Variants in QKI observed in about 807,000 individuals in gnomAD.
The protein encoded by QKI is QKI, KH domain containing RNA binding.
A neutral mutation model predicts 39.0 loss-of-function variants in QKI; 10 were observed. The ratio of observed to expected loss-of-function variants is 0.26; its 90% confidence interval spans 0.16 to 0.43. The LOEUF is 0.43. Among genes scored for constraint, QKI ranks in the 20% least tolerant of loss-of-function variants. The probability of loss-of-function intolerance (pLI) is 1.00; values close to 1 mark genes in which losing one functional copy is unlikely to be tolerated. For synonymous variants in QKI, 204 were observed against 155.4 expected, an observed-to-expected ratio of 1.31 and a Z score of -2.33; for missense variants, 218 against 428.0, an observed-to-expected ratio of 0.51 and a Z score of 4.33.
chr6:163,574,848 G>A lies in QKI; in HGVS notation c.*4138G>A. ...TTGTAAATTACATTTTATTTATTTAGAGTTCTAAAATTGAGGGCTGAAATG... is the reference window on the plus strand; with the variant it reads ...TTGTAAATTACATTTTATTTATTTAAAGTTCTAAAATTGAGGGCTGAAATG... On this transcript the variant is annotated 3_prime_UTR_variant, in exon 8 of 8. Coordinates refer to ENST00000361752, the MANE Select transcript of QKI (RefSeq NM_006775.3). The A allele has an allele frequency of 6.6e-6, 1 of 152,122 alleles. No homozygotes were observed. Among genetic ancestry groups the A allele is most frequent in the African/African-American group, 2.4e-5 (1 of 41,430 alleles). The allele number at this position is 152,122 out of a possible 1,614,324, so 9.4% of individuals were successfully genotyped here. A position where few individuals can be genotyped will look rare whatever the true frequency, so the allele number is the denominator to read the frequency against.
chr6:163,563,013 A>C (rs1783127422), intron 5 of QKI, among the ~76,000 whole-genome samples: 1 of 152,230 alleles, frequency 6.6e-6, no homozygotes, highest in Non-Finnish European at 1.5e-5. Flanking sequence ...CTAAAGCTGT[A>C]CTTTAGAAAT....
chr6:163,422,783 T>TAGCTGGCCTTA (rs1299278365), intron 1 of QKI, among the ~76,000 whole-genome samples: 1 of 152,134 alleles, frequency 6.6e-6, no homozygotes, highest in Admixed American at 6.5e-5. Flanking sequence ...ATTGAATAAG[T>TAGCTGGCCTTA]AGCTGGCCTT....
intron 2 of QKI, among the ~76,000 whole-genome samples, chr6:163,467,459 C>G (rs1028361231): frequency 6.6e-6 from 1 of 152,182 alleles, no homozygotes; most frequent in African/African-American, 2.4e-5. Flanking sequence ...AAAACAGTTA[C>G]TATTTCCACT....
At position 163,457,398 on chromosome 6, in the gene QKI, G is replaced by A. The variant is rs555623022; in HGVS notation, c.285+1977G>A. ...TCCTCCAGTTGTGACTTCTTGCCAC[G>A]GTGAACTACTATTACCGACTGGTGT... On this transcript the variant is annotated intron_variant, in intron 2 of 7. Transcript: ENST00000361752. 5.0e-5 allele frequency: 23 copies of A among 455,948 alleles called. No individual in the cohort carries two copies. In the East Asian group the frequency reaches 1.3e-3, roughly 25 times the overall value. The allele number at this position is 455,948 out of a possible 1,614,324, so 28.2% of individuals were successfully genotyped here. A position where few individuals can be genotyped will look rare whatever the true frequency, so the allele number is the denominator to read the frequency against.
chr6:163,432,949 A>AC (rs1477432301), intron 1 of QKI, among the ~76,000 whole-genome samples: 7 of 152,220 alleles, frequency 4.6e-5, no homozygotes, highest in Admixed American at 3.9e-4. Flanking sequence ...AAATAACCAA[A>AC]CAGGGTAGTG....
At chr6:163,515,028 A>T (rs577312358) in intron 3 of QKI, among the ~76,000 whole-genome samples, 3 of 152,346 alleles carry the variant, frequency 2.0e-5, no homozygotes, top group African/African-American at 7.2e-5. Flanking sequence ...TTAAAAATTC[A>T]TTCAAAAACA....
rs1783694589 is a variant in QKI at position 163,571,457 on chromosome 6, C to A, written c.*747C>A. 1 of 151,894 alleles carries A rather than the reference C, an allele frequency of 6.6e-6. No individual in the cohort carries two copies. Among genetic ancestry groups the A allele is most frequent in the Non-Finnish European group, 1.5e-5 (1 of 67,962 alleles). 9.4% of individuals were successfully genotyped at this position (151,894 alleles called of 1,614,324 possible). A position where few individuals can be genotyped will look rare whatever the true frequency, so the allele number is the denominator to read the frequency against. ...TTTTACACCTAAAAAAATATGAGAA[C>A]AAGGTACATGCATTATGTGTCACAT... On this transcript the variant is annotated 3_prime_UTR_variant, in exon 8 of 8. Coordinates refer to ENST00000361752, the MANE Select transcript of QKI (RefSeq NM_006775.3).
intron 3 of QKI, among the ~76,000 whole-genome samples, chr6:163,480,407 C>G (rs77440168): frequency 0.028 from 4,234 of 152,234 alleles, 194 homozygotes; most frequent in African/African-American, 0.096. Flanking sequence ...ACCAAACCCA[C>G]AGGGTATCTG....
At chr6:163,478,357 C>T (rs1261988425) in intron 2 of QKI, among the ~76,000 whole-genome samples, 1 of 152,128 alleles carries the variant, frequency 6.6e-6, no homozygotes, top group Non-Finnish European at 1.5e-5. Flanking sequence ...GGACTTTCCC[C>T]AAAGGATTTT....
rs191001355 is a variant in QKI at position 163,483,291 on chromosome 6, T to C, written c.402+4395T>C. 4.9e-4 allele frequency among the ~76,000 whole-genome samples: 74 copies of C among 152,346 alleles called. 1 individual carries two copies. Among genetic ancestry groups the C allele is most frequent in the Admixed American group, 4.8e-3 (73 of 15,306 alleles). ...TGCCTGGATGTTGATGGCATGTTGA[T>C]GGCTGCTGACTGATCAGGGTGGTGG... On this transcript the variant is annotated intron_variant, in intron 3 of 7. Transcript: ENST00000361752.
At chr6:163,487,626 G>A (rs1283612547) in intron 3 of QKI, among the ~76,000 whole-genome samples, 1 of 151,520 alleles carries the variant, frequency 6.6e-6, no homozygotes, top group Non-Finnish European at 1.5e-5. Flanking sequence ...GCTTCACTGG[G>A]TGATTTGTCT....
chr6:163,486,849 C>G (rs939446627), intron 3 of QKI, among the ~76,000 whole-genome samples: 7 of 152,120 alleles, frequency 4.6e-5, no homozygotes, highest in African/African-American at 1.7e-4. Flanking sequence ...TATGTCAGTT[C>G]ACCGAATAGT....
At chr6:163,519,346 A>T (rs1188884168) in intron 3 of QKI, among the ~76,000 whole-genome samples, 1 of 152,130 alleles carries the variant, frequency 6.6e-6, no homozygotes. Context: ...AATTCAGGAC[A>T]AAAGAGCTCT....
chr6:163,447,487 TTCTCTTCA>T (rs1790243659), intron 1 of QKI, among the ~76,000 whole-genome samples: 1 of 152,144 alleles, frequency 6.6e-6, no homozygotes, highest in African/African-American at 2.4e-5. Flanking sequence ...ATTAACATAC[TTCTCTTCA>T]TCTCTTCTCC....
intron 2 of QKI, among the ~76,000 whole-genome samples, chr6:163,467,388 A>G (rs1009709607): frequency 6.6e-5 from 10 of 152,258 alleles, no homozygotes; most frequent in East Asian, 1.9e-4. Context: ...TTTCTCATAT[A>G]ATAAGCCTGA....
rs779399645 is a variant in QKI at position 163,415,168 on chromosome 6, G to T, written c.-26G>T. The T allele has an allele frequency of 6.9e-7, 1 of 1,454,516 alleles. No individual in the cohort carries two copies. Among genetic ancestry groups the T allele is most frequent in the East Asian group, 2.9e-5 (1 of 34,024 alleles). The allele number at this position is 1,454,516 out of a possible 1,614,324, so 90.1% of individuals were successfully genotyped here. ...CCGGCGGCGGCGGCGGCGGCGGCGG[G>T]CGGAGTGAGCTGCGGAGCCTGGAAT... On this transcript the variant is annotated 5_prime_UTR_variant, in exon 1 of 8. Transcript: ENST00000361752.
At chr6:163,465,658 A>G (rs1325872492) in intron 2 of QKI, among the ~76,000 whole-genome samples, 1 of 151,640 alleles carries the variant, frequency 6.6e-6, no homozygotes, top group Non-Finnish European at 1.5e-5. Flanking sequence ...AAAGACACCT[A>G]AATCATAAAG....
rs781764704 is a variant in QKI, at chr6:163,563,734, C to G, written c.934+15C>G. 2 of 1,603,468 alleles carry G rather than the reference C, an allele frequency of 1.2e-6. No homozygotes were observed. Among genetic ancestry groups the G allele is most frequent in the South Asian group, 1.1e-5 (1 of 89,926 alleles). ...TGGTGTATTAGGTAAGTTCTTCTCC[C>G]CATGGGGTTAACAACATTCTCTTTA... On this transcript the variant is annotated intron_variant, in intron 6 of 7. Coordinates refer to ENST00000361752, the MANE Select transcript of QKI (RefSeq NM_006775.3).
At chr6:163,569,658 G>T in intron 7 of QKI, 1 of 1,000,860 alleles carries the variant, frequency 1.0e-6, no homozygotes, top group South Asian at 4.0e-5. Context: ...AATTTTTAAA[G>T]TTTTTTTGTC....
Sources: gnomAD v4.1 joint callset for allele counts (sites outside exome capture counted in the v4.1 genomes callset) on GRCh38, gnomAD v4.1.1 for gene constraint, MANE v1.5 for transcripts, NCBI Gene and HGNC (gene_info 2026-07-23, HGNC 2026-07-21) for gene names.